Variants in SHANK2 observed in about 807,000 individuals in gnomAD.
SHANK2 encodes SH3 and multiple ankyrin repeat domains protein 2.
SHANK2 carries 43 observed loss-of-function variants against 133.7 expected under a neutral mutation model. The observed-to-expected ratio is 0.32, with a 90% CI of 0.25 to 0.41. The LOEUF (loss-of-function observed/expected upper bound fraction) is 0.41, where lower values mean the gene tolerates loss of function less well. Ranked by LOEUF, SHANK2 falls within the 10% of genes least tolerant of loss-of-function variation. The pLI, the probability that SHANK2 is intolerant of heterozygous loss-of-function variation, is 1.00. For synonymous variants in SHANK2, 1,017 were observed against 952.8 expected (o/e 1.07, Z -1.24); for missense variants, 1,994 against 2,235.8 (o/e 0.89, Z 2.18).
At chr11:70,816,453 G>A (rs1045625935) in intron 12 of SHANK2, among the ~76,000 whole-genome samples, 2 of 152,218 alleles carry the variant, frequency 1.3e-5, no homozygotes, top group African/African-American at 4.8e-5. Flanking sequence ...GGGAGAGCAC[G>A]CTGTCACTTA....
rs569538762 is a variant in SHANK2, at chr11:70,807,830, CAA to C, written c.1494-661_1494-660del. On this transcript the variant is annotated intron_variant, in intron 12 of 25. Transcript: ENST00000601538. This position sits in a 1 kb window ranked among gnomAD's most constrained non-coding sequence, Gnocchi z 4.8. ...GGGTGACAGAGTGAGACTCTGTCTC[CAA>C]AAAAAAAAAGTAAACTGTGACACAG... 2.6e-4 allele frequency among the ~76,000 whole-genome samples: 36 copies of C among 139,658 alleles called. No homozygotes were observed. Among genetic ancestry groups the C allele is most frequent in the African/African-American group, 8.6e-4 (33 of 38,216 alleles). 91.6% of individuals were successfully genotyped at this position (139,658 alleles called of 152,430 possible).
intron 8 of SHANK2, among the ~76,000 whole-genome samples, chr11:71,089,887 A>C (rs1025698219): frequency 6.6e-6 from 1 of 152,006 alleles, no homozygotes; most frequent in Non-Finnish European, 1.5e-5. Context: ...ACAAAGGGGG[A>C]AGAGGTCAAG....
intron 8 of SHANK2, among the ~76,000 whole-genome samples, chr11:71,091,491 G>A (rs1555094002): frequency 1.3e-5 from 2 of 152,100 alleles, no homozygotes; most frequent in African/African-American, 4.8e-5. Context: ...ACTGTGTAGA[G>A]AACCAAGCAA....
rs1367772923 is a variant in SHANK2 at position 71,056,478 on chromosome 11, T to C, written c.1107+3A>G. ...TCCTTCCTGATGCTGAGATCTCTTT[T>C]ACCTGAAATGGAGTCTGGCTGTTGT... On this transcript the variant is annotated splice_donor_region_variant and intron_variant, in intron 10 of 25. Coordinates refer to ENST00000601538, the MANE Select transcript of SHANK2 (RefSeq NM_012309.5). The C allele has an allele frequency of 6.6e-6, 1 of 152,234 alleles. No individual in the cohort carries two copies. The highest frequency in any genetic ancestry group is 1.5e-5 in the Non-Finnish European group (1 of 68,044). The allele number at this position is 152,234 out of a possible 1,614,324, so 9.4% of individuals were successfully genotyped here.
intron 2 of SHANK2, among the ~76,000 whole-genome samples, chr11:71,207,981 T>C (rs904804169): frequency 2.6e-5 from 4 of 151,346 alleles, no homozygotes; most frequent in Non-Finnish European, 5.9e-5. Flanking sequence ...AAAAGAAAGA[T>C]TGGTGTCCGA....
chr11:70,734,158 C>T (rs570685401), intron 14 of SHANK2, among the ~76,000 whole-genome samples: 22 of 152,164 alleles, frequency 1.4e-4, no homozygotes, highest in East Asian at 9.7e-4. Context: ...GCAGAGCCCG[C>T]GGGAGGGAGT....
intron 2 of SHANK2, among the ~76,000 whole-genome samples, chr11:71,169,666 G>A (rs554871074): frequency 3.3e-5 from 5 of 150,388 alleles, no homozygotes; most frequent in African/African-American, 7.3e-5. Context: ...CAGGAAAACC[G>A]CTTGAACCCA....
At chr11:70,684,178 T>G (rs1183068911) in intron 15 of SHANK2, among the ~76,000 whole-genome samples, 1 of 152,092 alleles carries the variant, frequency 6.6e-6, no homozygotes, top group Non-Finnish European at 1.5e-5. Context: ...ACGGCCCCTC[T>G]CCCAGGGTCT....
intron 2 of SHANK2, among the ~76,000 whole-genome samples, chr11:71,152,665 TCCAGTG>T (rs1952820667): frequency 6.6e-6 from 1 of 152,060 alleles, no homozygotes; most frequent in African/African-American, 2.4e-5. Flanking sequence ...GCAGAAGGGC[TCCAGTG>T]CTGGGTCTGA....
rs1442974200 is a variant in SHANK2 at position 70,935,673 on chromosome 11, C to T, written c.1108-39106G>A. On this transcript the variant is annotated intron_variant, in intron 10 of 25. Transcript: ENST00000601538. ...ATCAGCAAACACATCTACCATGTGCCGGGCCCCGAGTGGGACAGCTGCCTT... is the reference window on the plus strand; with the variant it reads ...ATCAGCAAACACATCTACCATGTGCTGGGCCCCGAGTGGGACAGCTGCCTT... Among the ~76,000 whole-genome samples, 27 of 152,228 alleles carry T rather than the reference C, an allele frequency of 1.8e-4. No homozygotes were observed. In the South Asian group the frequency reaches 2.9e-3, roughly 16 times the overall value.
intron 17 of SHANK2, among the ~76,000 whole-genome samples, chr11:70,554,335 C>A (rs1206065418): frequency 1.3e-5 from 2 of 152,234 alleles, no homozygotes; most frequent in South Asian, 4.1e-4. Flanking sequence ...ACCCACAGTG[C>A]AGCTTCAGGG....
rs189439732 is a variant in SHANK2 at position 70,587,390 on chromosome 11, G to A, written c.2061+72438C>T. Among the ~76,000 whole-genome samples the A allele has an allele frequency of 4.0e-3, 615 of 152,266 alleles. 4 individuals are homozygous for A. The highest frequency in any genetic ancestry group is 6.6e-3 in the Non-Finnish European group (451 of 68,030). On this transcript the variant is annotated intron_variant, in intron 17 of 25. Coordinates refer to ENST00000601538, the MANE Select transcript of SHANK2 (RefSeq NM_012309.5). ...AGCGATCTGGAGAAAGGAGCCTGTC[G>A]CGGCACCACGGGTACATCTGTAAAC...
rs1265264394 is a variant in SHANK2, at chr11:70,582,715, C to T, written c.2061+77113G>A. ...GGGGCCTTATCCCAGAGATGACAGC[C>T]GAAAACACAGCGTGTCACAGGCAGC... On this transcript the variant is annotated intron_variant, in intron 17 of 25. Transcript: ENST00000601538. Among the ~76,000 whole-genome samples, 6 of 152,140 alleles carry T rather than the reference C, an allele frequency of 3.9e-5. No individual in the cohort carries two copies. In the East Asian group the frequency reaches 1.2e-3, roughly 29 times the overall value.
chr11:71,249,010 C>T (rs879970456), intron 1 of SHANK2, among the ~76,000 whole-genome samples: 8 of 152,102 alleles, frequency 5.3e-5, no homozygotes, highest in African/African-American at 1.4e-4. Flanking sequence ...ATTATTCACG[C>T]GGAAAGAAAC....
rs60678887 is a variant in SHANK2 at position 70,534,261 on chromosome 11, G to A, written c.2062-31330C>T. ...GCAAACACGTCCTTCCTCACATGGC[G>A]GCAGGAGAGAGAAATGCTGAGTAAA... On this transcript the variant is annotated intron_variant, in intron 17 of 25. Transcript: ENST00000601538. Among the ~76,000 whole-genome samples, 918 of 152,290 alleles carry A rather than the reference G, an allele frequency of 6.0e-3. 7 individuals are homozygous for A. The highest frequency in any genetic ancestry group is 0.021 in the African/African-American group (859 of 41,552).
chr11:70,681,849 A>T (rs1945035773), intron 15 of SHANK2, among the ~76,000 whole-genome samples: 1 of 152,094 alleles, frequency 6.6e-6, no homozygotes, highest in South Asian at 2.1e-4. Context: ...CCACCTCCAG[A>T]GATCTTGAAC....
At chr11:70,489,979 A>G (rs1369247261) in intron 23 of SHANK2, 1 of 194,212 alleles carries the variant, frequency 5.1e-6, no homozygotes, top group African/African-American at 3.3e-5. Context: ...CACCCCGCCC[A>G]CCCTCCCGCT....
chr11:70,764,445 A>G (rs1947073357), intron 14 of SHANK2, among the ~76,000 whole-genome samples: 2 of 147,444 alleles, frequency 1.4e-5, no homozygotes, highest in South Asian at 4.4e-4. Flanking sequence ...CCACACATGC[A>G]TCTATCATCC....
chr11:70,637,785 A>T (rs2061125025), intron 17 of SHANK2, among the ~76,000 whole-genome samples: 1 of 152,130 alleles, frequency 6.6e-6, no homozygotes, highest in Non-Finnish European at 1.5e-5. Flanking sequence ...CCCGCACCCC[A>T]CACTCTAGGC....
Sources: gnomAD v4.1 joint callset for allele counts (sites outside exome capture counted in the v4.1 genomes callset) on GRCh38, gnomAD v4.1.1 for gene constraint, Gnocchi (gnomAD v3.1) non-coding constraint, MANE v1.5 for transcripts, NCBI Gene and HGNC (gene_info 2026-07-23, HGNC 2026-07-21) for gene names.